DNAJC21: variants seen among roughly 807,000 people sequenced by gnomAD.
DNAJC21 encodes the protein DnaJ heat shock protein family (Hsp40) member C21, also known as dnaJ homolog subfamily C member 21.
A neutral mutation model predicts 72.4 loss-of-function variants in DNAJC21; 63 were observed. The ratio of observed to expected loss-of-function variants is 0.87; its 90% CI spans 0.71 to 1.07. The LOEUF is 1.07. DNAJC21 is among the 50% of genes least tolerant of loss of function. The pLI, the probability that DNAJC21 is intolerant of heterozygous loss-of-function variation, is 0.00. For missense variants in DNAJC21, 634 were observed against 644.8 expected (o/e 0.98, Z 0.18); for synonymous variants, 203 against 216.7 (o/e 0.94, Z 0.56).
Position 34,954,575 on chromosome 5 carries a change from C to T in DNAJC21, c.1457C>T (p.Thr486Ile), listed in dbSNP as rs762419927. ...CAGAGTGTTCTTATCAGCTGTACAA[C>T]CTGCCATAGTGAATTTCCATCTCGG... ...QTMSVLISCT[T>I]CHSEFPSRNK... Residue 486 changes from threonine to isoleucine, a missense_variant, in exon 12 of 12, where the codon ACC becomes ATC. Transcript: ENST00000648817. 3.1e-6 allele frequency: 5 copies of T among 1,612,380 alleles called. No individual in the cohort carries two copies. The highest frequency in any genetic ancestry group is 2.5e-6 in the Non-Finnish European group (3 of 1,179,402).
chr5:34,931,128 G>A (rs1393029539), intron 1 of DNAJC21, among the ~76,000 whole-genome samples: 8 of 152,172 alleles, frequency 5.3e-5, no homozygotes, highest in African/African-American at 1.9e-4. Context: ...GGGATTATGA[G>A]AGGAGTGGAA....
rs763994931 is a variant in DNAJC21 at position 34,941,068 on chromosome 5, G to T, written c.896-28G>T. On this transcript the variant is annotated intron_variant, in intron 6 of 11. Coordinates refer to ENST00000648817, the MANE Select transcript of DNAJC21 (RefSeq NM_001012339.3). The stretch of plus-strand genomic sequence containing the variant: ...TAGATTTGTGCTCTGATCAAAGAGG[G>T]TTCTTACTGTAGGCTTCCCTGTCAT... 9.5e-6 allele frequency: 15 copies of T among 1,581,456 alleles called. No individual in the cohort carries two copies. The South Asian group carries it at 1.0e-4, about 11-fold the overall frequency.
rs946339716 is a variant in DNAJC21, at chr5:34,951,760, A to G, written c.1358+1418A>G. On this transcript the variant is annotated intron_variant, in intron 10 of 11. Coordinates refer to ENST00000648817, the MANE Select transcript of DNAJC21 (RefSeq NM_001012339.3). Reference sequence around the variant, plus strand: ...AGGGTGGTCTTGAACTCCTGACCTCATGATCTGCCCGCCTTGGCCTACCAA... The same window carrying G: ...AGGGTGGTCTTGAACTCCTGACCTCGTGATCTGCCCGCCTTGGCCTACCAA... The G allele has an allele frequency of 1.3e-4, 122 of 969,114 alleles. 1 individual carries two copies. In the Admixed American group the frequency reaches 1.3e-3, roughly 10 times the overall value. The allele number at this position is 969,114 out of a possible 1,614,324, so 60.0% of individuals were successfully genotyped here.
rs1325837006 is a variant in DNAJC21, at chr5:34,956,205, C to T, written c.*1491C>T. 1.3e-5 allele frequency: 2 copies of T among 152,566 alleles called. No homozygotes were observed. The highest frequency in any genetic ancestry group is 6.5e-5 in the Admixed American group (1 of 15,282). 9.5% of individuals were successfully genotyped at this position (152,566 alleles called of 1,614,324 possible). On this transcript the variant is annotated 3_prime_UTR_variant, in exon 12 of 12. Transcript: ENST00000648817. ...TTTCGGTTACAGATCAGCTCTCAAACACTAAAGTCCTTAATGGCAAGGTCT... is the reference window on the plus strand; with the variant it reads ...TTTCGGTTACAGATCAGCTCTCAAATACTAAAGTCCTTAATGGCAAGGTCT...
chr5:34,933,834 C>T lies in DNAJC21; in HGVS notation c.117C>T (p.Ala39=), dbSNP rs765624747. ...KWHPDKNLDN[A]AEAAEQFKLI... is the part of the protein sequence containing the mutation. ...TAACAGATAAAAATCTGGATAATGC[C>T]GCAGAAGCAGCTGAACAATTTAAAT... Residue 39 remains alanine (A), a synonymous_variant, in exon 2 of 12, where the codon GCC becomes GCT. Coordinates refer to ENST00000648817, the MANE Select transcript of DNAJC21 (RefSeq NM_001012339.3). 6.8e-6 allele frequency: 11 copies of T among 1,613,442 alleles called. No homozygotes were observed. The highest frequency in any genetic ancestry group is 3.3e-5 in the South Asian group (3 of 91,028).
In DNAJC21 at chr5:34,955,544, CT is replaced by C. The variant is rs11367904; in HGVS notation, c.*842del. The C allele has an allele frequency of 0.7, 104,469 of 148,222 alleles. 37,646 individuals are homozygous for C. The highest frequency in any genetic ancestry group is 0.8 in the Non-Finnish European group (53,757 of 66,960). The allele number at this position is 148,222 out of a possible 1,614,324, so 9.2% of individuals were successfully genotyped here. ...TTCACTATTTTCAGAAGTTTTTGTT[CT>C]TTTTTTTTTTTCCATCACTCAGTGG... is the stretch of plus-strand genomic sequence containing the variant. On this transcript the variant is annotated 3_prime_UTR_variant, in exon 12 of 12. Transcript: ENST00000648817.
chr5:34,933,964 A>G (rs1764684895), intron 2 of DNAJC21, 56 bp downstream of exon 2: 1 of 1,510,200 alleles, frequency 6.6e-7, no homozygotes, highest in African/African-American at 1.4e-5. Flanking sequence ...GCAGTTATCA[A>G]TATAGGTGGT....
In DNAJC21 at chr5:34,957,086, A is replaced by G. The variant is rs1301961837; in HGVS notation, c.*2372A>G. The G allele has an allele frequency of 1.3e-5, 2 of 152,240 alleles. No individual in the cohort carries two copies. The highest frequency in any genetic ancestry group is 2.9e-5 in the Non-Finnish European group (2 of 68,040). The allele number at this position is 152,240 out of a possible 1,614,324, so 9.4% of individuals were successfully genotyped here. A position where few individuals can be genotyped will look rare whatever the true frequency, so the allele number is the denominator to read the frequency against. ...TAAGTTTTATAGGAATTTGCTTCCT[A>G]AGTCTACTTTTGAAGAGGAAAACAG... On this transcript the variant is annotated 3_prime_UTR_variant, in exon 12 of 12. Transcript: ENST00000648817.
intron 10 of DNAJC21, chr5:34,951,749 C>T (rs913448702): frequency 2.1e-6 from 2 of 945,078 alleles, no homozygotes; most frequent in East Asian, 1.2e-4. Flanking sequence ...TGGTCTTGAA[C>T]TCCTGACCTC....
rs1765317605 is a variant in DNAJC21, at chr5:34,950,239, T to G, written c.1255T>G (p.Leu419Val). 1 of 1,613,846 alleles carries G rather than the reference T, an allele frequency of 6.2e-7. No homozygotes were observed. Among genetic ancestry groups the G allele is most frequent in the Non-Finnish European group, 8.5e-7 (1 of 1,179,900 alleles). Residue 419 changes from leucine to valine, a missense_variant, in exon 10 of 12, where the codon TTA becomes GTA. Physicochemically the swap from Leu to Val is conservative, Grantham distance 32 (BLOSUM62 1). Transcript: ENST00000648817. The stretch of plus-strand genomic sequence containing the variant: ...AAAGGTTGATCCAGAAGATACTAAC[T>G]TAAATCAAGACAGTGCCAAAGAATT... ...GVKVDPEDTNLNQDSAKELED... is the reference protein window; with the variant it reads ...GVKVDPEDTNVNQDSAKELED...
chr5:34,933,920 G>T lies in DNAJC21; in HGVS notation c.191+12G>T, dbSNP rs373909444. On this transcript the variant is annotated intron_variant, in intron 2 of 11. Coordinates refer to ENST00000648817, the MANE Select transcript of DNAJC21 (RefSeq NM_001012339.3). Reference sequence around the variant, plus strand: ...CAGGAAAGAGCATGGTGAGCATCACGCTGTCCTTCCCATCCTAGTTTATGA... The same window carrying T: ...CAGGAAAGAGCATGGTGAGCATCACTCTGTCCTTCCCATCCTAGTTTATGA... 19 of 1,610,126 alleles carry T rather than the reference G, an allele frequency of 1.2e-5. No homozygotes were observed. The highest frequency in any genetic ancestry group is 1.1e-4 in the African/African-American group (8 of 74,778).
At chr5:34,949,969 T>TC (rs1442167110) in intron 9 of DNAJC21, among the ~76,000 whole-genome samples, 19 of 152,238 alleles carry the variant, frequency 1.2e-4, no homozygotes, top group South Asian at 2.1e-4. Context: ...CTTCATATAT[T>TC]CAGCCATTCA....
intron 1 of DNAJC21, among the ~76,000 whole-genome samples, chr5:34,932,911 C>G (rs775268573): frequency 1.3e-5 from 2 of 152,244 alleles, no homozygotes; most frequent in African/African-American, 4.8e-5. Context: ...CTTCTGCCAT[C>G]TCCTGTTGGT....
chr5:34,946,698 C>T (rs1765184367), intron 9 of DNAJC21, among the ~76,000 whole-genome samples: 1 of 152,130 alleles, frequency 6.6e-6, no homozygotes. Context: ...CTACCATCAT[C>T]CATCCAAACA....
At chr5:34,936,302 T>A in intron 4 of DNAJC21, 36 bp downstream of exon 4, 1 of 1,587,336 alleles carries the variant, frequency 6.3e-7, no homozygotes. Flanking sequence ...AATTAGTATT[T>A]ATCACTGTGT....
At chr5:34,939,371 T>C in intron 6 of DNAJC21, among the ~76,000 whole-genome samples, 1 of 152,092 alleles carries the variant, frequency 6.6e-6, no homozygotes, top group Non-Finnish European at 1.5e-5. Context: ...GTTCACGCCA[T>C]TCTCCTGCCT....
At chr5:34,945,121 A>C in intron 8 of DNAJC21, 96 bp downstream of exon 8, 4 of 1,457,918 alleles carry the variant, frequency 2.7e-6, no homozygotes, top group Non-Finnish European at 3.7e-6. Flanking sequence ...TCTGTTGCCC[A>C]GGCTGGGGTG....
chr5:34,951,099 C>T (rs537797732), intron 10 of DNAJC21: 654 of 985,232 alleles, frequency 6.6e-4, no homozygotes, highest in Middle Eastern at 1.0e-3. Flanking sequence ...GTGTGTACTT[C>T]GGAGTTTAAG....
chr5:34,929,732 C>A lies in DNAJC21; in HGVS notation c.-88C>A. 1 of 578,830 alleles carries A rather than the reference C, an allele frequency of 1.7e-6. No individual in the cohort carries two copies. Among genetic ancestry groups the A allele is most frequent in the Non-Finnish European group, 2.2e-6 (1 of 448,408 alleles). 35.9% of individuals were successfully genotyped at this position (578,830 alleles called of 1,614,324 possible). On this transcript the variant is annotated 5_prime_UTR_variant, in exon 1 of 12. The change creates a premature stop within an existing upstream ORF in the 5' untranslated region. Transcript: ENST00000648817. ...GGCGGACTCCCGCCGGAGAGGACTG[C>A]CAGCGCCGCCGCCGCCGCCGCTTCG...
Sources: allele counts gnomAD v4.1 joint callset (sites outside exome capture counted in the v4.1 genomes callset), GRCh38; gene constraint gnomAD v4.1.1; transcripts MANE v1.5; gene names NCBI Gene and HGNC (gene_info 2026-07-23, HGNC 2026-07-21).